GNG2: variants seen among roughly 807,000 people sequenced by gnomAD.
GNG2 encodes the protein guanine nucleotide-binding protein G(I)/G(S)/G(O) subunit gamma-2.
GNG2 carries 5 observed loss-of-function variants against 5.5 expected under a neutral mutation model. The ratio of observed to expected loss-of-function variants is 0.91; its 90% CI spans 0.48 to 1.92. GNG2 has a LOEUF of 1.92. Among genes scored for constraint, GNG2 ranks in the 30% most tolerant of loss-of-function variants. GNG2 has a pLI of 0.01. For missense variants in GNG2, 55 were observed against 88.4 expected, an observed-to-expected ratio of 0.62 and a Z score of 1.52; for synonymous variants, 28 against 32.0, an observed-to-expected ratio of 0.88 and a Z score of 0.42.
chr14:51,883,775 G>T (rs892963660), intron 2 of GNG2, among the ~76,000 whole-genome samples: 1 of 151,968 alleles, frequency 6.6e-6, no homozygotes, highest in African/African-American at 2.4e-5. Flanking sequence ...AGCTTTTTAT[G>T]TACCAGACAC....
At chr14:51,903,746 G>A (rs1256763075) in intron 2 of GNG2, among the ~76,000 whole-genome samples, 1 of 152,138 alleles carries the variant, frequency 6.6e-6, no homozygotes, top group Non-Finnish European at 1.5e-5. Flanking sequence ...GACTTTCACA[G>A]ATGTACTCAA....
chr14:51,933,886 G>A (rs368007149), intron 2 of GNG2, among the ~76,000 whole-genome samples: 4 of 152,216 alleles, frequency 2.6e-5, no homozygotes, highest in African/African-American at 9.7e-5. Context: ...GGTCTGAGAA[G>A]GGAAGGTGTG....
At chr14:51,955,319 C>T (rs1348264982) in intron 3 of GNG2, among the ~76,000 whole-genome samples, 1 of 152,096 alleles carries the variant, frequency 6.6e-6, no homozygotes, top group East Asian at 1.9e-4. Flanking sequence ...TTTGCCTCTC[C>T]CAATCTTATT....
intron 2 of GNG2, among the ~76,000 whole-genome samples, chr14:51,937,241 T>C (rs993167964): frequency 6.6e-6 from 1 of 152,218 alleles, no homozygotes; most frequent in East Asian, 1.9e-4. Context: ...TTATCAGAGA[T>C]GTATAATAGC....
intron 1 of GNG2, among the ~76,000 whole-genome samples, chr14:51,866,687 G>T (rs569386958): frequency 8.3e-4 from 127 of 152,278 alleles, no homozygotes; most frequent in African/African-American, 2.8e-3. Flanking sequence ...TGACAGAAGG[G>T]GCCAGCTGGC....
intron 3 of GNG2, among the ~76,000 whole-genome samples, chr14:51,954,983 G>A (rs1342786175): frequency 1.3e-5 from 2 of 152,162 alleles, no homozygotes; most frequent in Admixed American, 6.5e-5. Flanking sequence ...ACCTGCCCAT[G>A]TAGAGGAATG....
chr14:51,959,734 A>C (rs867083731), intron 3 of GNG2, among the ~76,000 whole-genome samples: 1 of 149,870 alleles, frequency 6.7e-6, no homozygotes, highest in Non-Finnish European at 1.5e-5. Context: ...CTACCAAAAG[A>C]TTATTTTCTT....
intron 2 of GNG2, among the ~76,000 whole-genome samples, chr14:51,886,625 C>A (rs1048372417): frequency 8.5e-5 from 13 of 152,148 alleles, no homozygotes; most frequent in Admixed American, 1.3e-4. Context: ...CCTATATTAT[C>A]CTTTGGCCTG....
At chr14:51,963,838 A>C (rs1357917365) in intron 3 of GNG2, among the ~76,000 whole-genome samples, 1 of 152,206 alleles carries the variant, frequency 6.6e-6, no homozygotes, top group Non-Finnish European at 1.5e-5. Context: ...AGGAAATTTA[A>C]CTCAATGTCT....
Position 51,916,431 on chromosome 14 carries a change from G to C in GNG2, c.-29-34219G>C, listed in dbSNP as rs1464141168. ...CCCACGAGGACCTATTTTGTACTAA[G>C]TTATTTCATATTTCGGTCTCTAGGA... On this transcript the variant is annotated intron_variant, in intron 2 of 3. Coordinates refer to ENST00000556766, the MANE Select transcript of GNG2 (RefSeq NM_053064.5). 8.8e-6 allele frequency: 4 copies of C among 452,610 alleles called. No individual in the cohort carries two copies. The Admixed American group carries it at 9.5e-5, about 11-fold the overall frequency. The allele number at this position is 452,610 out of a possible 1,614,324, so 28.0% of individuals were successfully genotyped here.
chr14:51,881,701 C>CTTTTTTTTTTTTTTTT (rs58544362), intron 2 of GNG2, among the ~76,000 whole-genome samples: 1 of 104,222 alleles, frequency 9.6e-6, no homozygotes, highest in African/African-American at 3.7e-5. Flanking sequence ...AGCTGGAAGA[C>CTTTTTTTTTTTTTTTT]TTTTTTTTTT....
At chr14:51,858,678 G>T (rs1362856810), upstream of GNG2, among the ~76,000 whole-genome samples, 1 of 152,056 alleles carries the variant, frequency 6.6e-6, no homozygotes, top group African/African-American at 2.4e-5. Flanking sequence ...TCTTAGACTT[G>T]GCATCATGCA....
At chr14:51,941,364 A>C (rs1409837893) in intron 2 of GNG2, among the ~76,000 whole-genome samples, 5 of 152,224 alleles carry the variant, frequency 3.3e-5, no homozygotes, top group Non-Finnish European at 7.3e-5. Flanking sequence ...AATAATAAAA[A>C]TATTAAGTGA....
chr14:51,873,023 A>C (rs1208777492), intron 1 of GNG2, among the ~76,000 whole-genome samples: 1 of 152,136 alleles, frequency 6.6e-6, no homozygotes, highest in Non-Finnish European at 1.5e-5. Flanking sequence ...TAATTATTTA[A>C]ATTAGGAACA....
chr14:51,872,780 C>T (rs1883396775), intron 1 of GNG2, among the ~76,000 whole-genome samples: 1 of 152,204 alleles, frequency 6.6e-6, no homozygotes, highest in Non-Finnish European at 1.5e-5. Flanking sequence ...AAGCAGTGCA[C>T]TGTTCTCCAA....
At chr14:51,843,202 T>G (rs1406133060) in intron 2 of GNG2, among the ~76,000 whole-genome samples, 2 of 152,198 alleles carry the variant, frequency 1.3e-5, no homozygotes, top group Non-Finnish European at 2.9e-5. Context: ...TCTATATTAA[T>G]GCAAATATAC....
Position 51,931,973 on chromosome 14 carries a change from G to A in GNG2, c.-29-18677G>A, listed in dbSNP as rs187514148. 4.2e-3 allele frequency among the ~76,000 whole-genome samples: 636 copies of A among 152,160 alleles called. 5 individuals carry two copies. Among genetic ancestry groups the A allele is most frequent in the African/African-American group, 0.015 (609 of 41,492 alleles). ...TGAATAAAGAAAATGTGGGCCGGGCGCGGTGGCTCACGCCTGTAATCCCAG... is the reference window on the plus strand; with the variant it reads ...TGAATAAAGAAAATGTGGGCCGGGCACGGTGGCTCACGCCTGTAATCCCAG... On this transcript the variant is annotated intron_variant, in intron 2 of 3. Coordinates refer to ENST00000556766, the MANE Select transcript of GNG2 (RefSeq NM_053064.5).
intron 2 of GNG2, chr14:51,847,023 G>A (rs569627011): frequency 4.6e-5 from 7 of 152,382 alleles, no homozygotes; most frequent in South Asian, 2.1e-4. Flanking sequence ...GTAACCAGAG[G>A]GGGGGAGGGG....
At chr14:51,924,867 C>G (rs1248372665) in intron 2 of GNG2, among the ~76,000 whole-genome samples, 1 of 152,232 alleles carries the variant, frequency 6.6e-6, no homozygotes, top group African/African-American at 2.4e-5. Context: ...TTGTGTTCAT[C>G]ATCCTAATAA....
Sources: allele counts gnomAD v4.1 joint callset (sites outside exome capture counted in the v4.1 genomes callset), GRCh38; gene constraint gnomAD v4.1.1; transcripts MANE v1.5; gene names NCBI Gene and HGNC (gene_info 2026-07-23, HGNC 2026-07-21).